Variants in PIK3AP1 observed in about 807,000 individuals in gnomAD.
PIK3AP1 encodes the protein phosphoinositide-3-kinase adaptor protein 1, also known as phosphoinositide 3-kinase adapter protein 1.
In PIK3AP1, 21 loss-of-function variants were observed where a neutral mutation model predicts 88.1. That is an observed-to-expected ratio of 0.24 (90% CI 0.17 to 0.34). PIK3AP1 has a LOEUF of 0.34. PIK3AP1 is among the 10% of genes least tolerant of loss of function. The pLI is 1.00. For missense variants in PIK3AP1, 828 were observed against 1,035.7 expected (o/e 0.80, Z 2.75); for synonymous variants, 398 against 400.0 (o/e 1.00, Z 0.06).
intron 6 of PIK3AP1, 113 bp from the exon 7 acceptor site, chr10:96,648,968 A>G (rs775512197): frequency 4.8e-6 from 4 of 841,346 alleles, no homozygotes; most frequent in African/African-American, 1.8e-5. Context: ...GCACTCAGCC[A>G]TTACTTATTG....
At chr10:96,707,427 G>A (rs1235213113) in intron 2 of PIK3AP1, among the ~76,000 whole-genome samples, 5 of 152,080 alleles carry the variant, frequency 3.3e-5, no homozygotes, top group Admixed American at 2.0e-4. Flanking sequence ...CGAGTAGCTG[G>A]GATTACAGGC....
chr10:96,643,093 C>A (rs1342614534), intron 8 of PIK3AP1, among the ~76,000 whole-genome samples: 2 of 152,074 alleles, frequency 1.3e-5, no homozygotes, highest in Non-Finnish European at 2.9e-5. Flanking sequence ...CATCAGTAAC[C>A]GAAATGTACT....
intron 2 of PIK3AP1, among the ~76,000 whole-genome samples, chr10:96,662,002 G>T (rs996604536): frequency 6.6e-6 from 1 of 152,088 alleles, no homozygotes; most frequent in African/African-American, 2.4e-5. Flanking sequence ...AAATACATGT[G>T]AACATTTTAT....
chr10:96,598,282 C>T (rs1209996055), intron 16 of PIK3AP1, among the ~76,000 whole-genome samples: 1 of 152,008 alleles, frequency 6.6e-6, no homozygotes, highest in African/African-American at 2.4e-5. Flanking sequence ...AACTCCTGAG[C>T]TCAAGGAATC....
chr10:96,617,638 A>C (rs1357922742), intron 12 of PIK3AP1, among the ~76,000 whole-genome samples: 1 of 152,108 alleles, frequency 6.6e-6, no homozygotes. Context: ...TGACATGGGG[A>C]TGTGGCTGGG....
At chr10:96,610,982 C>T (rs1849098530) in intron 13 of PIK3AP1, among the ~76,000 whole-genome samples, 1 of 152,170 alleles carries the variant, frequency 6.6e-6, no homozygotes, top group South Asian at 2.1e-4. Context: ...GTACCACTTC[C>T]TCCTCCACCT....
At chr10:96,711,895 C>A (rs1433659527) in intron 1 of PIK3AP1, among the ~76,000 whole-genome samples, 1 of 151,420 alleles carries the variant, frequency 6.6e-6, no homozygotes, top group Non-Finnish European at 1.5e-5. Flanking sequence ...GGACTACAGG[C>A]GCCCGCCATC....
chr10:96,634,179 C>T (rs938652136), intron 8 of PIK3AP1, among the ~76,000 whole-genome samples: 1 of 152,212 alleles, frequency 6.6e-6, no homozygotes, highest in Non-Finnish European at 1.5e-5. Context: ...AGCGAGAGGC[C>T]AACCTTCAGG....
At chr10:96,665,677 G>A (rs1232259713) in intron 2 of PIK3AP1, among the ~76,000 whole-genome samples, 2 of 152,110 alleles carry the variant, frequency 1.3e-5, no homozygotes, top group African/African-American at 4.8e-5. Flanking sequence ...TTATAAAGGG[G>A]GTCCTGCCAC....
rs535073782 is a variant in PIK3AP1 at position 96,665,564 on chromosome 10, T to C, written c.431-8630A>G. 5.3e-5 allele frequency among the ~76,000 whole-genome samples: 8 copies of C among 152,352 alleles called. No individual in the cohort carries two copies. The South Asian group carries it at 1.2e-3, about 24-fold the overall frequency. ...CCAGTGTCTGGTCTGCAGAAAGTCC[T>C]TAGATACGTTCTTTATGAGAATCGG... On this transcript the variant is annotated intron_variant, in intron 2 of 16. Coordinates refer to ENST00000339364, the MANE Select transcript of PIK3AP1 (RefSeq NM_152309.3).
chr10:96,678,106 G>A (rs914471314), intron 2 of PIK3AP1, among the ~76,000 whole-genome samples: 1 of 151,970 alleles, frequency 6.6e-6, no homozygotes, highest in Non-Finnish European at 1.5e-5. Context: ...TAGGACTACA[G>A]GCATATGCCA....
At chr10:96,618,064 G>A (rs929200232) in intron 12 of PIK3AP1, among the ~76,000 whole-genome samples, 1 of 152,200 alleles carries the variant, frequency 6.6e-6, no homozygotes, top group East Asian at 1.9e-4. Flanking sequence ...GCCCCTGAAG[G>A]GGAGATGCTC....
At position 96,630,074 on chromosome 10, in the gene PIK3AP1, A is replaced by G. The variant is rs200537843; in HGVS notation, c.1376-1581T>C. ...AATACAGAAAGATATTCCACTGTTC[A>G]TCTTCTTATATTTTAGCTTTTCAGC... On this transcript the variant is annotated intron_variant, in intron 8 of 16. Coordinates refer to ENST00000339364, the MANE Select transcript of PIK3AP1 (RefSeq NM_152309.3). Among the ~76,000 whole-genome samples, 12 of 152,246 alleles carry G rather than the reference A, an allele frequency of 7.9e-5. No homozygotes were observed. In the East Asian group the frequency reaches 2.3e-3, roughly 29 times the overall value.
intron 14 of PIK3AP1, among the ~76,000 whole-genome samples, chr10:96,609,510 T>C (rs1849065266): frequency 6.6e-6 from 1 of 152,204 alleles, no homozygotes; most frequent in South Asian, 2.1e-4. Flanking sequence ...AGAGTAATAA[T>C]TATCACGTAA....
At chr10:96,596,916 A>G (rs1286091956) in intron 16 of PIK3AP1, among the ~76,000 whole-genome samples, 1 of 152,238 alleles carries the variant, frequency 6.6e-6, no homozygotes, top group African/African-American at 2.4e-5. Context: ...CAAAGAGTAA[A>G]TATGTACTAA....
chr10:96,697,864 G>T (rs1844242241), intron 2 of PIK3AP1, among the ~76,000 whole-genome samples: 1 of 151,900 alleles, frequency 6.6e-6, no homozygotes, highest in African/African-American at 2.4e-5. Flanking sequence ...ATCCTTTCAG[G>T]AAAAAAAGTA....
At chr10:96,630,098 G>C (rs2134211790) in intron 8 of PIK3AP1, among the ~76,000 whole-genome samples, 1 of 152,072 alleles carries the variant, frequency 6.6e-6, no homozygotes, top group South Asian at 2.1e-4. Context: ...TAGCTTTTCA[G>C]CCTATTCGAA....
chr10:96,657,061 G>C, intron 2 of PIK3AP1, 127 bp from the exon 3 acceptor site: 1 of 964,584 alleles, frequency 1.0e-6, no homozygotes, highest in East Asian at 2.6e-5. Context: ...AATACAAGCA[G>C]AAGGGACTGA....
chr10:96,605,598 T>A (rs575440588), intron 14 of PIK3AP1, among the ~76,000 whole-genome samples: 94 of 152,340 alleles, frequency 6.2e-4, no homozygotes, highest in African/African-American at 2.2e-3. Context: ...TAGCTCCTGG[T>A]CATGTAAGTT....
Sources: gnomAD v4.1 joint callset for allele counts (sites outside exome capture counted in the v4.1 genomes callset) on GRCh38, gnomAD v4.1.1 for gene constraint, MANE v1.5 for transcripts, NCBI Gene and HGNC (gene_info 2026-07-23, HGNC 2026-07-21) for gene names.